The following CEP290 variants were observed in gnomAD, a reference collection of about 807,000 sequenced individuals.
The protein encoded by CEP290 is centrosomal protein 290, also known as centrosomal protein of 290 kDa.
Under a neutral mutation model 344.9 loss-of-function variants are expected in CEP290, and 317 were observed. The ratio of observed to expected loss-of-function variants is 0.92; its 90% CI spans 0.84 to 1.01. The LOEUF is 1.01. CEP290 is among the 50% of genes least tolerant of loss of function. The pLI is 0.00. For missense variants in CEP290, 2,754 were observed against 2,761.4 expected, an observed-to-expected ratio of 1.00 and a Z score of 0.06; for synonymous variants, 932 against 895.8, an observed-to-expected ratio of 1.04 and a Z score of -0.72.
intron 25 of CEP290, 53 bp downstream of exon 25, chr12:88,106,622 G>A (rs1382188923): frequency 6.0e-6 from 7 of 1,164,038 alleles, no homozygotes; most frequent in Non-Finnish European, 8.6e-6. Flanking sequence ...CCTATCTTCT[G>A]CATATTTGAA....
intron 32 of CEP290, among the ~76,000 whole-genome samples, chr12:88,087,123 T>C (rs543057983): frequency 6.6e-6 from 1 of 152,268 alleles, no homozygotes; most frequent in South Asian, 2.1e-4. Flanking sequence ...AGTCATATGT[T>C]TGACGAATTT....
intron 17 of CEP290, among the ~76,000 whole-genome samples, chr12:88,117,491 T>G (rs1274391920): frequency 6.6e-6 from 1 of 152,158 alleles, no homozygotes; most frequent in African/African-American, 2.4e-5. Flanking sequence ...ATCATGAAGT[T>G]TTTTCTTGAG....
chr12:88,137,372 AG>A (rs1476623441), intron 5 of CEP290, among the ~76,000 whole-genome samples: 4 of 152,254 alleles, frequency 2.6e-5, no homozygotes, highest in Non-Finnish European at 5.9e-5. Context: ...ACAAGTGGTT[AG>A]TGCTAGTGCT....
At chr12:88,103,794 T>C (rs2038075115) in intron 25 of CEP290, 1 of 152,110 alleles carries the variant, frequency 6.6e-6, no homozygotes, top group African/African-American at 2.4e-5. Flanking sequence ...GATGGAAATA[T>C]TTGTAATAGC....
Position 88,089,206 on chromosome 12 carries a change from C to T in CEP290, c.3855G>A (p.Lys1285=), listed in dbSNP as rs766410040. 6.2e-7 allele frequency: 1 copy of T among 1,613,288 alleles called. No individual in the cohort carries two copies. The highest frequency in any genetic ancestry group is 8.5e-7 in the Non-Finnish European group (1 of 1,179,520). Residue 1285 remains lysine (K), a synonymous_variant, in exon 31 of 54, where the codon AAG becomes AAA. Coordinates refer to ENST00000552810, the MANE Select transcript of CEP290 (RefSeq NM_025114.4). ...SGALPLAQQE[K]FSKTMIQLQN... is the part of the protein sequence containing the mutation. ...GTAGTTGAATCATTGTTTTGGAGAA[C>T]TTTTCCTGTTGTGCCAAGGGTAAAG... is the stretch of plus-strand genomic sequence containing the variant.
rs773912796 is a variant in CEP290, at chr12:88,117,099, T to C, written c.1758A>G (p.Gly586=). 6.4e-7 allele frequency: 1 copy of C among 1,562,304 alleles called. No homozygotes were observed. Among genetic ancestry groups the C allele is most frequent in the South Asian group, 1.2e-5 (1 of 84,958 alleles). The change falls in exon 18 of 54, where the codon GGA becomes GGG. Residue 586 remains glycine, a synonymous_variant. Transcript: ENST00000552810. The part of the protein sequence containing the change: ...DLNLTENISQ[G]DRISERKLDL... ...CCAATTTTCTTTCACTTATTCTATCTCCTTGAGAAATGTTTTCAGTTAGGT... is the reference window on the plus strand; with the variant it reads ...CCAATTTTCTTTCACTTATTCTATCCCCTTGAGAAATGTTTTCAGTTAGGT...
At chr12:88,080,796 C>A (rs989553827) in intron 37 of CEP290, among the ~76,000 whole-genome samples, 1 of 152,114 alleles carries the variant, frequency 6.6e-6, no homozygotes, top group Non-Finnish European at 1.5e-5. Context: ...TCATATAGAG[C>A]AAATGTTCAG....
chr12:88,122,200 A>G (rs2039445754), intron 13 of CEP290, among the ~76,000 whole-genome samples: 3 of 152,120 alleles, frequency 2.0e-5, no homozygotes, highest in Non-Finnish European at 2.9e-5. Flanking sequence ...CCCAGTATCT[A>G]TTCTCCCTTC....
intron 27 of CEP290, among the ~76,000 whole-genome samples, chr12:88,094,500 C>G (rs1054175055): frequency 6.6e-6 from 1 of 152,002 alleles, no homozygotes; most frequent in Non-Finnish European, 1.5e-5. Flanking sequence ...TTTGTACAGA[C>G]CTAATATCAA....
intron 23 of CEP290, among the ~76,000 whole-genome samples, chr12:88,107,802 T>A (rs913476050): frequency 1.6e-4 from 24 of 151,274 alleles, no homozygotes; most frequent in African/African-American, 5.1e-4. Context: ...CTTGGGAGGC[T>A]GAGGCAAGAA....
chr12:88,090,648 A>G, intron 30 of CEP290, 80 bp downstream of exon 30: 1 of 866,906 alleles, frequency 1.2e-6, no homozygotes, highest in South Asian at 1.5e-5. Flanking sequence ...CAAAAAGTAT[A>G]ACATATCCCA....
In CEP290 at chr12:88,125,322, T is replaced by C. The variant is rs370095967; in HGVS notation, c.1113A>G (p.Val371=). ...TTTCCATTTCTTTTGTATATTGTTC[T>C]ACTTGTTCGGTGAGCATCTTAATTT... is the stretch of plus-strand genomic sequence containing the variant. ...DSQIKMLTEQ[V]EQYTKEMEKN... is the part of the protein sequence containing the mutation. The change falls in exon 13 of 54, where the codon GTA becomes GTG. Residue 371 remains valine (V), a synonymous_variant. Transcript: ENST00000552810. The C allele has an allele frequency of 3.8e-6, 5 of 1,313,014 alleles. No individual in the cohort carries two copies. Among genetic ancestry groups the C allele is most frequent in the Non-Finnish European group, 5.0e-6 (5 of 998,328 alleles). The allele number at this position is 1,313,014 out of a possible 1,614,324, so 81.3% of individuals were successfully genotyped here. A position where few individuals can be genotyped will look rare whatever the true frequency, so the allele number is the denominator to read the frequency against.
At chr12:88,111,993 C>A in intron 20 of CEP290, 135 bp from the exon 21 acceptor site, 1 of 554,348 alleles carries the variant, frequency 1.8e-6, no homozygotes, top group East Asian at 3.4e-5. Flanking sequence ...ATAAAGTATG[C>A]CAATTCAAAT....
At chr12:88,130,632 T>C in intron 7 of CEP290, 67 bp from the exon 8 acceptor site, 1 of 1,404,826 alleles carries the variant, frequency 7.1e-7, no homozygotes, top group Non-Finnish European at 9.3e-7. Context: ...AAAATAATAA[T>C]CAGAAACTAA....
intron 20 of CEP290, among the ~76,000 whole-genome samples, chr12:88,112,231 A>G (rs1450664129): frequency 6.6e-6 from 1 of 152,136 alleles, no homozygotes; most frequent in Non-Finnish European, 1.5e-5. Flanking sequence ...AGGGGAAAAC[A>G]ATGTGAGCTC....
chr12:88,131,386 C>T lies in CEP290; in HGVS notation c.442-168G>A, dbSNP rs2040063304. Among the ~76,000 whole-genome samples the T allele has an allele frequency of 2.0e-5, 3 of 151,784 alleles. No homozygotes were observed. In the South Asian group the frequency reaches 6.2e-4, roughly 31 times the overall value. On this transcript the variant is annotated intron_variant, in intron 6 of 53. Coordinates refer to ENST00000552810, the MANE Select transcript of CEP290 (RefSeq NM_025114.4). ...CAAGCAATTCTCCCACCTCAGCCTACCGAGTAGCTGGAATTACTGGCATGC... is the reference window on the plus strand; with the variant it reads ...CAAGCAATTCTCCCACCTCAGCCTATCGAGTAGCTGGAATTACTGGCATGC...
chr12:88,091,604 T>C (rs1290145527), intron 29 of CEP290, among the ~76,000 whole-genome samples: 1 of 151,982 alleles, frequency 6.6e-6, no homozygotes, highest in Non-Finnish European at 1.5e-5. Context: ...ATTAACAAAA[T>C]ATGATTAAAA....
chr12:88,075,011 A>G (rs915014215), intron 41 of CEP290, among the ~76,000 whole-genome samples: 2 of 152,124 alleles, frequency 1.3e-5, no homozygotes, highest in African/African-American at 4.8e-5. Context: ...ATCAAACCCA[A>G]AGCTGGGGGC....
At chr12:88,064,188 A>G (rs760439263) in intron 44 of CEP290, 73 bp from the exon 45 acceptor site, 246 of 1,283,054 alleles carry the variant, frequency 1.9e-4, no homozygotes, top group Middle Eastern at 2.7e-4. Flanking sequence ...ACTGGATAAG[A>G]AAATACTGTC....
Sources: gnomAD v4.1 joint callset for allele counts (sites outside exome capture counted in the v4.1 genomes callset) on GRCh38, gnomAD v4.1.1 for gene constraint, MANE v1.5 for transcripts, NCBI Gene and HGNC (gene_info 2026-07-23, HGNC 2026-07-21) for gene names.